The following GDF1 variants were observed in gnomAD, a reference collection of about 807,000 sequenced individuals.
The protein encoded by GDF1 is growth differentiation factor 1, also known as embryonic growth/differentiation factor 1.
In GDF1, 8 loss-of-function variants were observed where a neutral mutation model predicts 7.4. The observed-to-expected ratio is 1.09, with a 90% confidence interval of 0.64 to 1.96. The LOEUF (loss-of-function observed/expected upper bound fraction) is 1.96. Ranked by LOEUF, GDF1 falls within the 30% of genes most tolerant of loss-of-function variation. The pLI, the probability that GDF1 is intolerant of heterozygous loss-of-function variation, is 0.00. For missense variants in GDF1, 574 were observed against 551.5 expected (o/e 1.04, Z -0.41); for synonymous variants, 311 against 276.7 (o/e 1.12, Z -1.23).
chr19:18,868,993 G>A lies in GDF1; in HGVS notation c.723C>T (p.Asp241=). 5.4e-6 allele frequency: 6 copies of A among 1,111,068 alleles called. No individual in the cohort carries two copies. Among genetic ancestry groups the A allele is most frequent in the Non-Finnish European group, 6.6e-6 (6 of 911,304 alleles). 68.8% of individuals were successfully genotyped at this position (1,111,068 alleles called of 1,614,324 possible). The change falls in exon 8 of 8, where the codon GAC becomes GAT. Residue 241 remains aspartate (D), a synonymous_variant. Transcript: ENST00000247005. The part of the protein sequence containing the change: ...AEASLLLVTL[D]PRLCHPLARP... ...GGGCCAGGGGGTGGCACAGGCGCGG[G>A]TCGAGGGTCACCAGCAGCAGCGAGG...
intron 6 of GDF1, among the ~76,000 whole-genome samples, chr19:18,876,652 T>C (rs1027246257): frequency 2.0e-5 from 3 of 151,982 alleles, no homozygotes; most frequent in Non-Finnish European, 4.4e-5. Context: ...CCCAAAGTGC[T>C]GGGATTACAG....
In GDF1 at chr19:18,896,109, C is replaced by T. The variant is rs2056622205; in HGVS notation, c.-1359G>A. The T allele has an allele frequency of 8.2e-6, 7 of 849,610 alleles. No individual in the cohort carries two copies. Among genetic ancestry groups the T allele is most frequent in the Admixed American group, 6.4e-5 (1 of 15,606 alleles). The allele number at this position is 849,610 out of a possible 1,614,324, so 52.6% of individuals were successfully genotyped here. A position where few individuals can be genotyped will look rare whatever the true frequency, so the allele number is the denominator to read the frequency against. On this transcript the variant is annotated 5_prime_UTR_variant, in exon 1 of 8. Transcript: ENST00000247005. The surrounding 1 kb of genome is among the most constrained non-coding windows in gnomAD (Gnocchi z 5.9). ...GCCCGCCGTGCCCGTCGCCTGCGCC[C>T]GCCCGCGGTAGCCGACGGAGCCGCG...
chr19:18,885,511 G>A (rs1451443302), intron 2 of GDF1, among the ~76,000 whole-genome samples: 1 of 22,122 alleles, frequency 4.5e-5, no homozygotes, highest in Non-Finnish European at 1.2e-4. Context: ...GCCCCTTCTC[G>A]TTTTTTTTTT....
Position 18,870,401 on chromosome 19 carries a change from G to C in GDF1, c.-94C>G. 11 of 1,356,984 alleles carry C rather than the reference G, an allele frequency of 8.1e-6. No individual in the cohort carries two copies. The highest frequency in any genetic ancestry group is 1.1e-5 in the Non-Finnish European group (11 of 990,540). The allele number at this position is 1,356,984 out of a possible 1,614,324, so 84.1% of individuals were successfully genotyped here. ...GGGGCCGGTGTCCCCGGAGGGGCAG[G>C]GGTCCTGGGGGGCGTGGCCGGGAAC... On this transcript the variant is annotated 5_prime_UTR_variant, in exon 7 of 8. Coordinates refer to ENST00000247005, the MANE Select transcript of GDF1 (RefSeq NM_001492.6). This position sits in a 1 kb window ranked among gnomAD's most constrained non-coding sequence, Gnocchi z 5.1.
In GDF1 at chr19:18,868,568, G is replaced by A. The variant is rs2055894744; in HGVS notation, c.*29C>T. The A allele has an allele frequency of 2.7e-6, 4 of 1,506,840 alleles. No homozygotes were observed. Among genetic ancestry groups the A allele is most frequent in the East Asian group, 2.5e-5 (1 of 40,504 alleles). 93.3% of individuals were successfully genotyped at this position (1,506,840 alleles called of 1,614,324 possible). ...CGGAGCAGACCACGCGGCATTTATT[G>A]TTGGGCCCGCGTCCCTGCCCGCCCC... On this transcript the variant is annotated 3_prime_UTR_variant, in exon 8 of 8. Transcript: ENST00000247005.
At chr19:18,877,913 G>C (rs973023072) in intron 6 of GDF1, 1 of 958,396 alleles carries the variant, frequency 1.0e-6, no homozygotes, top group South Asian at 4.8e-5. Flanking sequence ...CAAAAGTCTT[G>C]AGTCGTCTTT....
At chr19:18,877,979 T>C (rs1428847800) in intron 6 of GDF1, 1 of 985,340 alleles carries the variant, frequency 1.0e-6, no homozygotes, top group Admixed American at 6.2e-5. Context: ...GGTTCTCCCT[T>C]CCAAACAGGG....
At chr19:18,881,438 T>G (rs2056205889) in intron 3 of GDF1, among the ~76,000 whole-genome samples, 1 of 151,914 alleles carries the variant, frequency 6.6e-6, no homozygotes, top group Admixed American at 6.6e-5. Flanking sequence ...CCCGCTGATC[T>G]CGAATTCCCA....
intron 2 of GDF1, among the ~76,000 whole-genome samples, chr19:18,886,840 C>G (rs534729528): frequency 5.7e-4 from 87 of 152,366 alleles, no homozygotes; most frequent in African/African-American, 2.1e-3. Flanking sequence ...GGACCCCCAT[C>G]CAGGGTCCCC....
Position 18,868,628 on chromosome 19 carries a change from T to A in GDF1, c.1088A>T (p.Asp363Val). ...GCAGCCGCACTCGTCCACCACCATG[T>A]CCTCATACTGCCGCAGCACCACGTT... ...SDNVVLRQYE[D>V]MVVDECGCR The change falls in exon 8 of 8, where the codon GAC becomes GTC. Residue 363 changes from aspartate to valine, a missense_variant. Transcript: ENST00000247005. 1.3e-6 allele frequency: 2 copies of A among 1,572,878 alleles called. No individual in the cohort carries two copies. Among genetic ancestry groups the A allele is most frequent in the South Asian group, 1.2e-5 (1 of 85,688 alleles).
At chr19:18,886,271 C>T (rs1161826632) in intron 2 of GDF1, among the ~76,000 whole-genome samples, 1 of 152,024 alleles carries the variant, frequency 6.6e-6, no homozygotes, top group Non-Finnish European at 1.5e-5. Context: ...TAGCTGGGGC[C>T]GGGCGCAGTG....
At chr19:18,884,048 G>A (rs1454459379) in intron 3 of GDF1, 39 bp downstream of exon 3, 6 of 1,590,970 alleles carry the variant, frequency 3.8e-6, no homozygotes, top group Non-Finnish European at 4.3e-6. Flanking sequence ...CTCTGTGTGG[G>A]CTGTGCCTCG....
At chr19:18,872,704 TGCGG>T (rs1278306874) in intron 6 of GDF1, among the ~76,000 whole-genome samples, 114 of 48,338 alleles carry the variant, frequency 2.4e-3, no homozygotes, top group Middle Eastern at 7.2e-3. Flanking sequence ...TTAGTAGAGA[TGCGG>T]TTTTACCATG....
intron 2 of GDF1, among the ~76,000 whole-genome samples, chr19:18,885,530 T>TG (rs2056332158): frequency 6.8e-6 from 1 of 146,794 alleles, no homozygotes; most frequent in African/African-American, 2.6e-5. Context: ...TTTTTTTTTT[T>TG]TTTTTTTGAG....
intron 3 of GDF1, among the ~76,000 whole-genome samples, chr19:18,882,439 C>A (rs1257157915): frequency 6.6e-6 from 1 of 151,502 alleles, no homozygotes; most frequent in Admixed American, 6.6e-5. Context: ...TCGAGTCCAG[C>A]CTGGCCAACA....
chr19:18,887,599 G>A (rs1299932749), intron 2 of GDF1, among the ~76,000 whole-genome samples: 1 of 151,930 alleles, frequency 6.6e-6, no homozygotes, highest in East Asian at 1.9e-4. Context: ...ACAAAAATTA[G>A]CTGGGCATGG....
intron 3 of GDF1, among the ~76,000 whole-genome samples, chr19:18,881,403 A>G (rs1007127867): frequency 2.0e-5 from 3 of 151,824 alleles, no homozygotes; most frequent in African/African-American, 4.8e-5. Flanking sequence ...TATTTTTAGT[A>G]GAGACGGGGT....
intron 7 of GDF1, 121 bp downstream of exon 7, chr19:18,869,862 T>G: frequency 1.1e-6 from 1 of 951,658 alleles, no homozygotes; most frequent in Non-Finnish European, 1.6e-6. Flanking sequence ...AAGTTGCTAG[T>G]AGCCTGGACA....
chr19:18,888,166 C>A (rs1009696921), intron 2 of GDF1, among the ~76,000 whole-genome samples: 3 of 152,094 alleles, frequency 2.0e-5, no homozygotes, highest in Admixed American at 2.0e-4. Context: ...TCAAGACCAG[C>A]CTGGCCAACA....
Sources: gnomAD v4.1 joint callset for allele counts (sites outside exome capture counted in the v4.1 genomes callset) on GRCh38, gnomAD v4.1.1 for gene constraint, Gnocchi (gnomAD v3.1) non-coding constraint, MANE v1.5 for transcripts, NCBI Gene and HGNC (gene_info 2026-07-23, HGNC 2026-07-21) for gene names.